Variants in CDH12 observed in about 807,000 individuals in gnomAD.
CDH12 encodes cadherin-12.
CDH12 carries 41 observed loss-of-function variants against 74.1 expected under a neutral mutation model. The observed-to-expected ratio is 0.55, with a 90% confidence interval of 0.43 to 0.72. The LOEUF (loss-of-function observed/expected upper bound fraction) is 0.72, where lower values mean the gene tolerates loss of function less well. Ranked by LOEUF, CDH12 falls within the 30% of genes least tolerant of loss-of-function variation. The pLI is 0.00. For synonymous variants in CDH12, 399 were observed against 355.0 expected (o/e 1.12, Z -1.39); for missense variants, 945 against 977.2 (o/e 0.97, Z 0.44).
In CDH12 at chr5:22,762,777, A is replaced by G. The variant is rs146033743; in HGVS notation, c.-523+90281T>C. Among the ~76,000 whole-genome samples the G allele has an allele frequency of 1.6e-4, 24 of 152,188 alleles. No individual in the cohort carries two copies. In the East Asian group the frequency reaches 4.4e-3, roughly 28 times the overall value. ...AAAGAGTTAATTTTTCTGAGCAAAC[A>G]TGTCTTGTATTAGGACCATGGTTAT... is the stretch of plus-strand genomic sequence containing the variant. On this transcript the variant is annotated intron_variant, in intron 1 of 14. Coordinates refer to ENST00000382254, the MANE Select transcript of CDH12 (RefSeq NM_004061.5).
At chr5:21,882,560 C>A in intron 6 of CDH12, 1 of 1,370,540 alleles carries the variant, frequency 7.3e-7, no homozygotes, top group Non-Finnish European at 1.0e-6. Flanking sequence ...TCTCGCCGCG[C>A]GCATGCCCTG....
intron 3 of CDH12, among the ~76,000 whole-genome samples, chr5:22,279,893 G>C (rs905264188): frequency 2.0e-5 from 3 of 152,142 alleles, no homozygotes; most frequent in African/African-American, 7.2e-5. Flanking sequence ...TATATACCCG[G>C]TAATGGGATG....
intron 4 of CDH12, among the ~76,000 whole-genome samples, chr5:22,095,560 C>A (rs1743707397): frequency 6.6e-6 from 1 of 151,978 alleles, no homozygotes; most frequent in South Asian, 2.1e-4. Flanking sequence ...CTCCTTCTCT[C>A]CATGTCTCTA....
At position 22,133,888 on chromosome 5, in the gene CDH12, G is replaced by A. The variant is rs184580336; in HGVS notation, c.-186-55026C>T. On this transcript the variant is annotated intron_variant, in intron 4 of 14. Coordinates refer to ENST00000382254, the MANE Select transcript of CDH12 (RefSeq NM_004061.5). Reference sequence around the variant, plus strand: ...CTAACTAGTTAATTTGATTTTTTTCGGTTATTCTTATCCACAAGTAAGGCT... The same window carrying A: ...CTAACTAGTTAATTTGATTTTTTTCAGTTATTCTTATCCACAAGTAAGGCT... 1.7e-3 allele frequency among the ~76,000 whole-genome samples: 256 copies of A among 151,818 alleles called. No homozygotes were observed. The Middle Eastern group carries it at 0.017, about 10-fold the overall frequency.
At chr5:22,800,717 G>A (rs1196536045) in intron 1 of CDH12, among the ~76,000 whole-genome samples, 1 of 151,930 alleles carries the variant, frequency 6.6e-6, no homozygotes, top group African/African-American at 2.4e-5. Context: ...TCTCCTAATT[G>A]CTGCTGGCAA....
chr5:22,723,564 C>T (rs1744008731), intron 1 of CDH12, among the ~76,000 whole-genome samples: 1 of 151,944 alleles, frequency 6.6e-6, no homozygotes, highest in Non-Finnish European at 1.5e-5. Context: ...AAAAACATTC[C>T]CCTTATTCTA....
chr5:21,873,380 G>T (rs1178900109), intron 6 of CDH12, among the ~76,000 whole-genome samples: 1 of 152,124 alleles, frequency 6.6e-6, no homozygotes, highest in Non-Finnish European at 1.5e-5. Context: ...AGAGACATAT[G>T]CTGGGAACTT....
chr5:21,958,539 A>G (rs1197362553), intron 6 of CDH12, among the ~76,000 whole-genome samples: 1 of 152,154 alleles, frequency 6.6e-6, no homozygotes, highest in East Asian at 1.9e-4. Context: ...AGTACCATTT[A>G]TTGAAAAGAC....
chr5:22,663,669 AT>A (rs1437678462), intron 1 of CDH12, among the ~76,000 whole-genome samples: 15 of 152,176 alleles, frequency 9.9e-5, no homozygotes, highest in African/African-American at 3.6e-4. Flanking sequence ...GATTTAAAAT[AT>A]TCAGTAAAAT....
At chr5:22,290,363 G>A (rs1412163912) in intron 3 of CDH12, among the ~76,000 whole-genome samples, 1 of 151,846 alleles carries the variant, frequency 6.6e-6, no homozygotes, top group Non-Finnish European at 1.5e-5. Flanking sequence ...ACTCAGCAAA[G>A]TTCAAAAAAA....
chr5:22,108,960 C>T (rs1281383168), intron 4 of CDH12, among the ~76,000 whole-genome samples: 2 of 152,034 alleles, frequency 1.3e-5, no homozygotes, highest in Non-Finnish European at 2.9e-5. Context: ...TTATACTTTA[C>T]AATGCATATT....
chr5:21,968,587 C>T (rs1756690425), intron 6 of CDH12, among the ~76,000 whole-genome samples: 1 of 152,126 alleles, frequency 6.6e-6, no homozygotes, highest in African/African-American at 2.4e-5. Context: ...TGACTTGCAA[C>T]ATTTACCACT....
At position 22,799,967 on chromosome 5, in the gene CDH12, C is replaced by T. The variant is rs1484983363; in HGVS notation, c.-523+53091G>A. Among the ~76,000 whole-genome samples, 4 of 151,912 alleles carry T rather than the reference C, an allele frequency of 2.6e-5. No homozygotes were observed. In the East Asian group the frequency reaches 5.8e-4, roughly 22 times the overall value. ...AAAATCTGAATGTAAATGGAGTTTTCAGAACTAAAAATATTTGAATGGATT... is the reference window on the plus strand; with the variant it reads ...AAAATCTGAATGTAAATGGAGTTTTTAGAACTAAAAATATTTGAATGGATT... On this transcript the variant is annotated intron_variant, in intron 1 of 14. Coordinates refer to ENST00000382254, the MANE Select transcript of CDH12 (RefSeq NM_004061.5).
intron 1 of CDH12, among the ~76,000 whole-genome samples, chr5:22,604,310 G>C (rs1736992926): frequency 1.3e-5 from 2 of 152,158 alleles, no homozygotes; most frequent in Admixed American, 6.5e-5. Context: ...TATCAGAACA[G>C]AATTGACAGA....
At chr5:22,380,832 C>G (rs960014546) in intron 3 of CDH12, among the ~76,000 whole-genome samples, 1 of 152,104 alleles carries the variant, frequency 6.6e-6, no homozygotes, top group South Asian at 2.1e-4. Context: ...AAATCTCAAA[C>G]TCTCTTTACT....
chr5:22,298,034 T>C (rs1737705281), intron 3 of CDH12, among the ~76,000 whole-genome samples: 1 of 151,662 alleles, frequency 6.6e-6, no homozygotes, highest in South Asian at 2.1e-4. Context: ...TGTTTGTTAA[T>C]GGGAAATTCA....
chr5:22,660,809 A>G (rs972339612), intron 1 of CDH12, among the ~76,000 whole-genome samples: 1 of 152,208 alleles, frequency 6.6e-6, no homozygotes, highest in Admixed American at 6.5e-5. Flanking sequence ...ATATTTTTTA[A>G]TTGTGAGTTT....
intron 4 of CDH12, among the ~76,000 whole-genome samples, chr5:22,090,606 T>TACATACAC (rs368500273): frequency 6.8e-6 from 1 of 147,574 alleles, no homozygotes; most frequent in Non-Finnish European, 1.5e-5. Context: ...CATACATACA[T>TACATACAC]ACACACACAC....
chr5:22,309,119 C>A (rs578193917), intron 3 of CDH12, among the ~76,000 whole-genome samples: 39 of 152,194 alleles, frequency 2.6e-4, no homozygotes, highest in African/African-American at 8.7e-4. Context: ...TACCATAATT[C>A]ACAAATAAAT....
Sources: allele counts gnomAD v4.1 joint callset (sites outside exome capture counted in the v4.1 genomes callset), GRCh38; gene constraint gnomAD v4.1.1; transcripts MANE v1.5; gene names NCBI Gene and HGNC (gene_info 2026-07-23, HGNC 2026-07-21).